The following USP25 variants were observed in gnomAD, a reference collection of about 807,000 sequenced individuals.
USP25 encodes ubiquitin carboxyl-terminal hydrolase 25.
USP25 carries 85 observed loss-of-function variants against 158.5 expected under a neutral mutation model. The observed-to-expected ratio is 0.54, with a 90% CI of 0.45 to 0.64. The LOEUF is 0.64. Ranked by LOEUF, USP25 falls within the 30% of genes least tolerant of loss-of-function variation. The pLI is 0.00. For missense variants in USP25, 1,242 were observed against 1,327.3 expected (o/e 0.94, Z 1.00); for synonymous variants, 464 against 460.4 (o/e 1.01, Z -0.10).
At chr21:15,792,982 T>G (rs2035672980) in intron 5 of USP25, among the ~76,000 whole-genome samples, 1 of 151,754 alleles carries the variant, frequency 6.6e-6, no homozygotes, top group East Asian at 1.9e-4. Flanking sequence ...ACCTTAGAGA[T>G]TCTTAGATCA....
At chr21:15,756,134 A>G (rs1237974897) in intron 1 of USP25, among the ~76,000 whole-genome samples, 2 of 152,230 alleles carry the variant, frequency 1.3e-5, no homozygotes, top group Non-Finnish European at 2.9e-5. Context: ...TGGTATGCCC[A>G]GGTGCATGGC....
At chr21:15,784,331 C>T (rs1046632853) in intron 4 of USP25, among the ~76,000 whole-genome samples, 8 of 152,004 alleles carry the variant, frequency 5.3e-5, no homozygotes, top group Non-Finnish European at 1.0e-4. Context: ...CCAGCACTTT[C>T]GGAGGCTGAG....
chr21:15,831,454 G>T lies in USP25; in HGVS notation c.1818G>T (p.Gly606=), dbSNP rs151115019. The T allele has an allele frequency of 6.2e-6, 10 of 1,613,892 alleles. No individual in the cohort carries two copies. The highest frequency in any genetic ancestry group is 8.5e-6 in the Non-Finnish European group (10 of 1,179,974). ...VLVHEGQANA[G]HYWAYIFDHR... ...TTCACGAAGGCCAAGCTAATGCTGG[G>T]CACTACTGGGCATATATTTTTGATC... Residue 606 remains glycine, a synonymous_variant, in exon 16 of 26, where the codon GGG becomes GGT. Coordinates refer to ENST00000400183, the MANE Select transcript of USP25 (RefSeq NM_001283041.3).
intron 3 of USP25, among the ~76,000 whole-genome samples, chr21:15,771,654 T>C (rs1383024202): frequency 6.6e-6 from 1 of 151,924 alleles, no homozygotes; most frequent in Non-Finnish European, 1.5e-5. Context: ...ATTTCCATTC[T>C]TCTGGTGGTC....
Position 15,864,360 on chromosome 21 carries a change from CTT to C in USP25, c.2642_2643del (p.Phe881TyrfsTer11). The C allele has an allele frequency of 1.2e-6, 2 of 1,613,396 alleles. No homozygotes were observed. Among genetic ancestry groups the C allele is most frequent in the Non-Finnish European group, 1.7e-6 (2 of 1,179,810 alleles). On this transcript the variant is annotated frameshift_variant, in exon 21 of 26. Coordinates refer to ENST00000400183, the MANE Select transcript of USP25 (RefSeq NM_001283041.3). LOFTEE classifies it high-confidence loss of function. The part of the protein sequence containing the change: ...DYRLHHVVVY[F>X]IQNQAPKKII... ...ATCGTTTACATCATGTAGTGGTCTA[CTT>C]TATCCAGAACCAGGCACCAAAGAAA...
chr21:15,873,131 T>C (rs565032953), intron 23 of USP25, among the ~76,000 whole-genome samples: 1 of 152,068 alleles, frequency 6.6e-6, no homozygotes, highest in African/African-American at 2.4e-5. Context: ...TATTTTTGAG[T>C]TGGGGTCTTG....
chr21:15,733,096 A>G (rs1234279170), intron 1 of USP25, among the ~76,000 whole-genome samples: 1 of 136,726 alleles, frequency 7.3e-6, no homozygotes, highest in African/African-American at 2.7e-5. Flanking sequence ...AATTTGATAC[A>G]TAGATTCAAG....
At chr21:15,867,627 A>G (rs1292583271) in intron 22 of USP25, among the ~76,000 whole-genome samples, 1 of 152,150 alleles carries the variant, frequency 6.6e-6, no homozygotes, top group East Asian at 1.9e-4. Context: ...AAATTCAAAT[A>G]AAATCTACAA....
intron 4 of USP25, among the ~76,000 whole-genome samples, chr21:15,782,083 A>G (rs951739220): frequency 6.6e-6 from 1 of 152,220 alleles, no homozygotes; most frequent in Non-Finnish European, 1.5e-5. Flanking sequence ...CAAAGGCACA[A>G]CTGGGGCCCT....
intron 14 of USP25, among the ~76,000 whole-genome samples, chr21:15,829,278 T>C (rs2146379215): frequency 6.6e-6 from 1 of 152,338 alleles, no homozygotes; most frequent in African/African-American, 2.4e-5. Flanking sequence ...GCACAGTACC[T>C]GATAGGTGGT....
At chr21:15,783,389 G>C (rs1274647812) in intron 4 of USP25, among the ~76,000 whole-genome samples, 2 of 152,062 alleles carry the variant, frequency 1.3e-5, no homozygotes, top group Non-Finnish European at 2.9e-5. Flanking sequence ...AGGAAGTCTT[G>C]GAAGTTATGG....
intron 1 of USP25, among the ~76,000 whole-genome samples, chr21:15,754,368 C>G (rs2033237976): frequency 1.3e-5 from 2 of 152,156 alleles, no homozygotes; most frequent in Admixed American, 1.3e-4. Context: ...TTGCCATGTG[C>G]CAGGCATTAT....
At chr21:15,847,265 A>G (rs903073422) in intron 18 of USP25, among the ~76,000 whole-genome samples, 3 of 152,190 alleles carry the variant, frequency 2.0e-5, no homozygotes, top group Non-Finnish European at 4.4e-5. Flanking sequence ...TCAGCTATAC[A>G]GACAATAATA....
In USP25 at chr21:15,816,758, A is replaced by G. The variant is rs1213687101; in HGVS notation, c.932-1940A>G. On this transcript the variant is annotated intron_variant, in intron 9 of 25. Coordinates refer to ENST00000400183, the MANE Select transcript of USP25 (RefSeq NM_001283041.3). The surrounding 1 kb of genome is among the most constrained non-coding windows in gnomAD (Gnocchi z 4.0). ...CTCAAATTGAAATCTCATGGATCAT[A>G]ATGAACCAGTGATTTCCACTGCTAC... Among the ~76,000 whole-genome samples the G allele has an allele frequency of 1.3e-5, 2 of 152,044 alleles. No individual in the cohort carries two copies. The highest frequency in any genetic ancestry group is 2.9e-5 in the Non-Finnish European group (2 of 68,024).
chr21:15,827,353 C>CT, intron 14 of USP25, 150 bp downstream of exon 14: 1 of 720,276 alleles, frequency 1.4e-6, no homozygotes, highest in South Asian at 2.0e-5. Context: ...ACTAGTTTGG[C>CT]TCCCCATTTT....
chr21:15,751,006 G>A lies in USP25; in HGVS notation c.46-11885G>A, dbSNP rs183359128. On this transcript the variant is annotated intron_variant, in intron 1 of 25. Transcript: ENST00000400183. ...TTCAAGGAATTTGTTTCAGGGTCCAGTGAGGACAAAGAAAGGACAAAAAGT... is the reference window on the plus strand; with the variant it reads ...TTCAAGGAATTTGTTTCAGGGTCCAATGAGGACAAAGAAAGGACAAAAAGT... 3.9e-5 allele frequency among the ~76,000 whole-genome samples: 6 copies of A among 152,338 alleles called. No homozygotes were observed. In the East Asian group the frequency reaches 9.6e-4, roughly 24 times the overall value.
rs1302954944 is a variant in USP25 at position 15,826,182 on chromosome 21, T to G, written c.1305-22T>G. The G allele has an allele frequency of 4.3e-6, 7 of 1,611,838 alleles. No homozygotes were observed. The Admixed American group carries it at 6.7e-5, about 15-fold the overall frequency. On this transcript the variant is annotated intron_variant, in intron 12 of 25. Coordinates refer to ENST00000400183, the MANE Select transcript of USP25 (RefSeq NM_001283041.3). The surrounding 1 kb of genome is among the most constrained non-coding windows in gnomAD (Gnocchi z 4.8). The stretch of plus-strand genomic sequence containing the variant: ...ATGCTGTATATAGAAATAAAAGCAT[T>G]TGTACATTTTATGATTAACAGATAT...
At chr21:15,873,987 A>G (rs2040000727) in intron 23 of USP25, among the ~76,000 whole-genome samples, 1 of 152,160 alleles carries the variant, frequency 6.6e-6, no homozygotes, top group Non-Finnish European at 1.5e-5. Context: ...GTTGTCATTG[A>G]ACAAACCAAA....
chr21:15,854,084 T>A (rs2039021200), intron 20 of USP25, among the ~76,000 whole-genome samples: 1 of 152,194 alleles, frequency 6.6e-6, no homozygotes, highest in Admixed American at 6.5e-5. Flanking sequence ...ATAGTATTTT[T>A]AAATTTTTGT....
Sources: gnomAD v4.1 joint callset for allele counts (sites outside exome capture counted in the v4.1 genomes callset) on GRCh38, gnomAD v4.1.1 for gene constraint, Gnocchi (gnomAD v3.1) non-coding constraint, MANE v1.5 for transcripts, NCBI Gene and HGNC (gene_info 2026-07-23, HGNC 2026-07-21) for gene names.